HDAC4: variants seen among roughly 807,000 people sequenced by gnomAD.
HDAC4 encodes the protein histone deacetylase A.
HDAC4 carries 16 observed loss-of-function variants against 135.1 expected under a neutral mutation model. The observed-to-expected ratio is 0.12, with a 90% CI of 0.08 to 0.18. HDAC4 has a LOEUF of 0.18. HDAC4 is among the 10% of genes least tolerant of loss of function. HDAC4 has a pLI of 1.00. For missense variants in HDAC4, 1,143 were observed against 1,511.8 expected, an observed-to-expected ratio of 0.76 and a Z score of 4.05; for synonymous variants, 685 against 653.4, an observed-to-expected ratio of 1.05 and a Z score of -0.74.
intron 2 of HDAC4, among the ~76,000 whole-genome samples, chr2:239,267,960 C>G (rs564450742): frequency 6.6e-6 from 1 of 152,366 alleles, no homozygotes; most frequent in East Asian, 1.9e-4. Context: ...AGACAAATAT[C>G]AAGCACTTAA....
chr2:239,111,472 G>T (rs2038664678), intron 14 of HDAC4, 54 bp downstream of exon 14: 1 of 1,535,914 alleles, frequency 6.5e-7, no homozygotes, highest in Non-Finnish European at 8.9e-7. Context: ...CCCCCGCGCT[G>T]TGCCCACTGT....
At position 239,053,100 on chromosome 2, in the gene HDAC4, C is replaced by G; in HGVS notation, c.3267G>C (p.Leu1089=). 2 of 1,614,220 alleles carry G rather than the reference C, an allele frequency of 1.2e-6. No homozygotes were observed. The highest frequency in any genetic ancestry group is 2.7e-5 in the African/African-American group (2 of 75,064). Residue 1089 remains leucine (L), a synonymous_variant, in exon 27 of 27, where the codon CTG becomes CTC. Transcript: ENST00000543185. ...GAACAGCAGCTTCGAGGGAGTGCTA[C>G]AGGGGCGGCTCCTCTTCCATGGGCT... ...DEEPMEEEPP[L]
chr2:239,397,909 G>A (rs1346547527), intron 1 of HDAC4, among the ~76,000 whole-genome samples: 1 of 152,200 alleles, frequency 6.6e-6, no homozygotes, highest in East Asian at 1.9e-4. Context: ...CAGGGCATAT[G>A]CTGACCACCT....
chr2:239,084,465 GCACA>G lies in HDAC4; in HGVS notation c.2445-227_2445-224del, dbSNP rs78087978. ...CAGACACACTCACACGCGTGCGCGC[GCACA>G]CACACACACACACACACACAGCTCC... On this transcript the variant is annotated intron_variant, in intron 19 of 26. Coordinates refer to ENST00000543185, the MANE Select transcript of HDAC4 (RefSeq NM_001378414.1). 6.8e-3 allele frequency among the ~76,000 whole-genome samples: 731 copies of G among 108,008 alleles called. 3 individuals carry two copies. Among genetic ancestry groups the G allele is most frequent in the African/African-American group, 0.021 (644 of 30,280 alleles). 70.9% of individuals were successfully genotyped at this position (108,008 alleles called of 152,430 possible). A position where few individuals can be genotyped will look rare whatever the true frequency, so the allele number is the denominator to read the frequency against.
intron 5 of HDAC4, among the ~76,000 whole-genome samples, chr2:239,172,292 AAAT>A (rs1279815984): frequency 2.9e-5 from 2 of 69,606 alleles, no homozygotes; most frequent in African/African-American, 1.3e-4. Flanking sequence ...TGGTGAAAAA[AAAT>A]ATATATATAT....
intron 5 of HDAC4, among the ~76,000 whole-genome samples, chr2:239,166,718 C>G (rs2043142030): frequency 6.6e-6 from 1 of 152,146 alleles, no homozygotes; most frequent in African/African-American, 2.4e-5. Flanking sequence ...AGACATAAAC[C>G]AGAGAGTTAA....
intron 3 of HDAC4, 51 bp downstream of exon 3, chr2:239,236,542 C>G: frequency 7.0e-7 from 1 of 1,437,356 alleles, no homozygotes; most frequent in Non-Finnish European, 9.6e-7. Flanking sequence ...CTGAACACCT[C>G]TTTGGCTCAG....
chr2:239,379,488 G>A (rs865968453), intron 1 of HDAC4, among the ~76,000 whole-genome samples: 10 of 152,144 alleles, frequency 6.6e-5, no homozygotes, highest in Admixed American at 2.0e-4. Flanking sequence ...CCCCATCAAG[G>A]TCTGCTCCTT....
chr2:239,172,444 CA>C (rs2043514329), intron 5 of HDAC4, among the ~76,000 whole-genome samples: 2 of 151,510 alleles, frequency 1.3e-5, no homozygotes, highest in Admixed American at 6.6e-5. Context: ...GTAAATGGGC[CA>C]AACTAATTGA....
chr2:239,312,296 G>C (rs2052918538), intron 2 of HDAC4, among the ~76,000 whole-genome samples: 1 of 152,128 alleles, frequency 6.6e-6, no homozygotes, highest in African/African-American at 2.4e-5. Context: ...CTTGGTGCCA[G>C]GGCTCCTAGC....
chr2:239,104,395 A>G (rs4851968), intron 15 of HDAC4, among the ~76,000 whole-genome samples: 13,232 of 152,040 alleles, frequency 0.087, 754 homozygotes, highest in Admixed American at 0.15. Context: ...CACCTGGCTA[A>G]TTTTTGTATT....
chr2:239,264,983 C>A (rs894583828), intron 2 of HDAC4, among the ~76,000 whole-genome samples: 2 of 152,220 alleles, frequency 1.3e-5, no homozygotes, highest in Non-Finnish European at 2.9e-5. Context: ...GACTCTCCTG[C>A]CCCTCCCCCT....
At chr2:239,202,108 G>A (rs900922612) in intron 3 of HDAC4, among the ~76,000 whole-genome samples, 5 of 152,140 alleles carry the variant, frequency 3.3e-5, no homozygotes, top group South Asian at 2.1e-4. Context: ...GAAGGCGAGC[G>A]GGTGCTGCTG....
intron 2 of HDAC4, among the ~76,000 whole-genome samples, chr2:239,260,170 C>T (rs1046276792): frequency 7.9e-5 from 12 of 152,232 alleles, no homozygotes; most frequent in African/African-American, 2.2e-4. Context: ...AGCCCCTCTG[C>T]GGACCGCGTG....
Position 239,094,210 on chromosome 2 carries a change from G to A in HDAC4, c.2280+800C>T, listed in dbSNP as rs141578552. 47 of 985,402 alleles carry A rather than the reference G, an allele frequency of 4.8e-5. No homozygotes were observed. The African/African-American group carries it at 7.2e-4, about 15-fold the overall frequency. The allele number at this position is 985,402 out of a possible 1,614,324, so 61.0% of individuals were successfully genotyped here. A position where few individuals can be genotyped will look rare whatever the true frequency, so the allele number is the denominator to read the frequency against. On this transcript the variant is annotated intron_variant, in intron 17 of 26. Transcript: ENST00000543185. ...TGGCCCGGATCTGCTCGGACGCTCCGCCTCAGCTTCTCATGGCCGCCCTCG... is the reference window on the plus strand; with the variant it reads ...TGGCCCGGATCTGCTCGGACGCTCCACCTCAGCTTCTCATGGCCGCCCTCG...
intron 24 of HDAC4, chr2:239,055,286 A>T (rs1337597523): frequency 4.1e-6 from 1 of 242,708 alleles, no homozygotes; most frequent in Non-Finnish European, 8.2e-6. Context: ...ATGAAATGGA[A>T]GAAGTAGTCA....
intron 23 of HDAC4, among the ~76,000 whole-genome samples, chr2:239,067,277 C>T (rs1368046949): frequency 2.6e-5 from 4 of 152,164 alleles, no homozygotes; most frequent in African/African-American, 9.7e-5. Context: ...GAAGCGTTCT[C>T]CCACGTCCAG....
At chr2:239,382,945 G>T (rs1198430746) in intron 1 of HDAC4, among the ~76,000 whole-genome samples, 6 of 152,044 alleles carry the variant, frequency 3.9e-5, no homozygotes, top group African/African-American at 7.2e-5. Flanking sequence ...GACCAGGCTG[G>T]TCGTGAACTC....
chr2:239,088,136 C>T (rs965058876), intron 18 of HDAC4, among the ~76,000 whole-genome samples: 3 of 152,280 alleles, frequency 2.0e-5, no homozygotes, highest in South Asian at 2.1e-4. Context: ...GGGCAGCCCA[C>T]GAAACAGCTC....
Sources: allele counts gnomAD v4.1 joint callset (sites outside exome capture counted in the v4.1 genomes callset), GRCh38; gene constraint gnomAD v4.1.1; transcripts MANE v1.5; gene names NCBI Gene and HGNC (gene_info 2026-07-23, HGNC 2026-07-21).